The following PPP2R5E variants were observed in gnomAD, a reference collection of about 807,000 sequenced individuals.
PPP2R5E encodes the protein protein phosphatase 2 regulatory subunit B'epsilon.
PPP2R5E carries 4 observed loss-of-function variants against 65.3 expected under a neutral mutation model. That is an observed-to-expected ratio of 0.06 (90% CI 0.03 to 0.14). The LOEUF (loss-of-function observed/expected upper bound fraction) is 0.14, where lower values mean the gene tolerates loss of function less well. Ranked by LOEUF, PPP2R5E falls within the 10% of genes least tolerant of loss-of-function variation. PPP2R5E has a pLI of 1.00. For missense variants in PPP2R5E, 274 were observed against 556.1 expected (o/e 0.49, Z 5.10); for synonymous variants, 183 against 187.4 (o/e 0.98, Z 0.19).
chr14:63,442,562 TGA>T (rs1000107147), intron 3 of PPP2R5E, among the ~76,000 whole-genome samples: 7 of 152,110 alleles, frequency 4.6e-5, no homozygotes, highest in African/African-American at 1.4e-4. Context: ...TAAGACATTT[TGA>T]GAGAGAGACA....
At chr14:63,516,245 C>T (rs565484107) in intron 2 of PPP2R5E, among the ~76,000 whole-genome samples, 13 of 152,180 alleles carry the variant, frequency 8.5e-5, no homozygotes, top group African/African-American at 2.6e-4. Flanking sequence ...ATGTCAATGA[C>T]GACCCTCATT....
intron 2 of PPP2R5E, among the ~76,000 whole-genome samples, chr14:63,494,876 A>C (rs1891465669): frequency 6.6e-6 from 1 of 150,762 alleles, no homozygotes; most frequent in South Asian, 2.1e-4. Flanking sequence ...CAGGCTGAGC[A>C]ATAGAGCCAG....
rs1883752634 is a variant in PPP2R5E at position 63,372,683 on chromosome 14, C to A, written c.*3326G>T. ...TCATCCCCACAAAAAAATAAAAAAG[C>A]TTTTAAAGCTCTAAATATACTTTTT... On this transcript the variant is annotated 3_prime_UTR_variant, in exon 14 of 14. Transcript: ENST00000337537. 1 of 152,112 alleles carries A rather than the reference C, an allele frequency of 6.6e-6. No homozygotes were observed. Among genetic ancestry groups the A allele is most frequent in the Non-Finnish European group, 1.5e-5 (1 of 68,024 alleles). The allele number at this position is 152,112 out of a possible 1,614,324, so 9.4% of individuals were successfully genotyped here.
chr14:63,433,304 T>C lies in PPP2R5E; in HGVS notation c.355-11210A>G, dbSNP rs541267489. Reference sequence around the variant, plus strand: ...CCACCTGCCTCGGCCTCCCATAGCATTGGGACTACAGGAGTGAGCCACTGT... The same window carrying C: ...CCACCTGCCTCGGCCTCCCATAGCACTGGGACTACAGGAGTGAGCCACTGT... On this transcript the variant is annotated intron_variant, in intron 3 of 13. Transcript: ENST00000337537. 7.4e-4 allele frequency among the ~76,000 whole-genome samples: 113 copies of C among 152,168 alleles called. 2 individuals carry two copies. Among genetic ancestry groups the C allele is most frequent in the African/African-American group, 2.4e-3 (99 of 41,526 alleles).
At chr14:63,469,848 T>C (rs941050911) in intron 2 of PPP2R5E, among the ~76,000 whole-genome samples, 1 of 152,172 alleles carries the variant, frequency 6.6e-6, no homozygotes, top group Admixed American at 6.5e-5. Flanking sequence ...ATGTTAATAT[T>C]CCCATTTTAC....
chr14:63,532,609 T>C (rs1893482786), intron 2 of PPP2R5E, among the ~76,000 whole-genome samples: 1 of 152,166 alleles, frequency 6.6e-6, no homozygotes, highest in African/African-American at 2.4e-5. Context: ...CCCCATTAAA[T>C]AACAACAGCT....
At chr14:63,396,851 A>C in intron 5 of PPP2R5E, 135 bp from the exon 6 acceptor site, 1 of 1,039,088 alleles carries the variant, frequency 9.6e-7, no homozygotes, top group Non-Finnish European at 1.4e-6. Context: ...GCACAGTGCT[A>C]GTCTTTGGGC....
rs1260837537 is a variant in PPP2R5E, at chr14:63,374,669, A to G, written c.*1340T>C. 8.0e-6 allele frequency: 1 copy of G among 125,334 alleles called. No homozygotes were observed. The highest frequency in any genetic ancestry group is 1.7e-5 in the Non-Finnish European group (1 of 59,504). The allele number at this position is 125,334 out of a possible 1,614,324, so 7.8% of individuals were successfully genotyped here. ...TATATATATATATATATATATATAT[A>G]AAATACAGCCCTAGATTTTGTTTTT... On this transcript the variant is annotated 3_prime_UTR_variant, in exon 14 of 14. Coordinates refer to ENST00000337537, the MANE Select transcript of PPP2R5E (RefSeq NM_006246.5).
intron 2 of PPP2R5E, among the ~76,000 whole-genome samples, chr14:63,508,949 T>G (rs1340054628): frequency 6.6e-6 from 1 of 152,230 alleles, no homozygotes; most frequent in Non-Finnish European, 1.5e-5. Context: ...ATTTTATACT[T>G]GAAGAATATG....
At chr14:63,521,020 CAG>C (rs1892886911) in intron 2 of PPP2R5E, among the ~76,000 whole-genome samples, 1 of 151,552 alleles carries the variant, frequency 6.6e-6, no homozygotes, top group African/African-American at 2.4e-5. Context: ...GCCTGGGCAA[CAG>C]AGTGAGACTC....
rs1374815315 is a variant in PPP2R5E at position 63,463,234 on chromosome 14, GGTTCAA to G, written c.158-9355_158-9350del. On this transcript the variant is annotated intron_variant, in intron 2 of 13. Transcript: ENST00000337537. ...TGCTCACTGCAACCTCCGCCTACTGGGTTCAAGTGATTCTCCTGCCTCAGCCTCCCG... is the reference window on the plus strand; with the variant it reads ...TGCTCACTGCAACCTCCGCCTACTGGGTGATTCTCCTGCCTCAGCCTCCCG... Among the ~76,000 whole-genome samples the G allele has an allele frequency of 4.0e-5, 6 of 151,536 alleles. 1 individual carries two copies. Among genetic ancestry groups the G allele is most frequent in the African/African-American group, 1.5e-4 (6 of 41,308 alleles).
chr14:63,480,788 T>A (rs559565095), intron 2 of PPP2R5E, among the ~76,000 whole-genome samples: 25 of 152,280 alleles, frequency 1.6e-4, no homozygotes, highest in African/African-American at 5.8e-4. Context: ...ACCACCAGCC[T>A]GAAATCTTGT....
At chr14:63,412,183 A>G (rs529931572) in intron 5 of PPP2R5E, among the ~76,000 whole-genome samples, 6 of 152,370 alleles carry the variant, frequency 3.9e-5, no homozygotes, top group Non-Finnish European at 7.3e-5. Flanking sequence ...TAAGCCAGGC[A>G]TGGTGGTGCA....
chr14:63,440,031 G>A (rs1482774531), intron 3 of PPP2R5E, among the ~76,000 whole-genome samples: 1 of 152,138 alleles, frequency 6.6e-6, no homozygotes, highest in African/African-American at 2.4e-5. Flanking sequence ...TGCAAGGTGG[G>A]GCCCCTCTAT....
intron 2 of PPP2R5E, among the ~76,000 whole-genome samples, chr14:63,505,101 G>A (rs975557501): frequency 2.0e-5 from 3 of 152,140 alleles, no homozygotes; most frequent in East Asian, 1.9e-4. Context: ...TTGGGAGGCC[G>A]AGACAGGCGG....
chr14:63,395,145 T>A lies in PPP2R5E; in HGVS notation c.740+81A>T, dbSNP rs1885247185. On this transcript the variant is annotated intron_variant, in intron 7 of 13. Coordinates refer to ENST00000337537, the MANE Select transcript of PPP2R5E (RefSeq NM_006246.5). Reference sequence around the variant, plus strand: ...ATGTACATACAGCAAGAGAACTAGGTGAGCATCTCTTGGTGCCACCTGAAC... The same window carrying A: ...ATGTACATACAGCAAGAGAACTAGGAGAGCATCTCTTGGTGCCACCTGAAC... The A allele has an allele frequency of 3.5e-6, 4 of 1,137,148 alleles. No individual in the cohort carries two copies. In the Admixed American group the frequency reaches 6.9e-5, roughly 20 times the overall value. The allele number at this position is 1,137,148 out of a possible 1,614,324, so 70.4% of individuals were successfully genotyped here.
At chr14:63,458,897 CACTT>C (rs1889300468) in intron 2 of PPP2R5E, among the ~76,000 whole-genome samples, 1 of 152,094 alleles carries the variant, frequency 6.6e-6, no homozygotes, top group Non-Finnish European at 1.5e-5. Flanking sequence ...AGGTATTACT[CACTT>C]AGCCCTTTTA....
At chr14:63,515,032 T>G (rs558467898) in intron 2 of PPP2R5E, among the ~76,000 whole-genome samples, 1 of 152,296 alleles carries the variant, frequency 6.6e-6, no homozygotes, top group African/African-American at 2.4e-5. Context: ...AATATCTCTG[T>G]GTCTTTATCT....
rs551373709 is a variant in PPP2R5E at position 63,489,781 on chromosome 14, G to T, written c.158-35896C>A. Reference sequence around the variant, plus strand: ...CAAGATTTAGAACGTTTCTATCATGGTATGTCAGAATTCAAGTACAAGTCA... The same window carrying T: ...CAAGATTTAGAACGTTTCTATCATGTTATGTCAGAATTCAAGTACAAGTCA... On this transcript the variant is annotated intron_variant, in intron 2 of 13. Transcript: ENST00000337537. Among the ~76,000 whole-genome samples, 3 of 148,080 alleles carry T rather than the reference G, an allele frequency of 2.0e-5. No individual in the cohort carries two copies. In the South Asian group the frequency reaches 6.5e-4, roughly 32 times the overall value.
Sources: allele counts gnomAD v4.1 joint callset (sites outside exome capture counted in the v4.1 genomes callset), GRCh38; gene constraint gnomAD v4.1.1; transcripts MANE v1.5; gene names NCBI Gene and HGNC (gene_info 2026-07-23, HGNC 2026-07-21).